The following KDM6A variants were observed in gnomAD, a reference collection of about 807,000 sequenced individuals.
KDM6A encodes lysine-specific demethylase 6A.
Under a neutral mutation model 117.6 loss-of-function variants are expected in KDM6A, and 11 were observed. The ratio of observed to expected loss-of-function variants is 0.09; its 90% CI spans 0.06 to 0.15. The LOEUF (loss-of-function observed/expected upper bound fraction) is 0.15. Ranked by LOEUF, KDM6A falls within the 10% of genes least tolerant of loss-of-function variation. The pLI is 1.00. For synonymous variants in KDM6A, 384 were observed against 396.1 expected, an observed-to-expected ratio of 0.97 and a Z score of 0.36; for missense variants, 799 against 1,077.3, an observed-to-expected ratio of 0.74 and a Z score of 3.62.
Position 45,034,431 on chromosome X carries a change from A to G in KDM6A, c.565-500A>G, listed in dbSNP as rs371353995. ...GCTATTTTAAAAGGCACTTAAGTAC[A>G]GTGATTATTGAAAGATCAATAAAGA... On this transcript the variant is annotated intron_variant, in intron 6 of 29. Transcript: ENST00000611820. Among the ~76,000 whole-genome samples the G allele has an allele frequency of 5.4e-5, 6 of 112,046 alleles. No individual in the cohort carries two copies. The East Asian group carries it at 8.4e-4, about 16-fold the overall frequency.
At chrX:45,090,616 A>T (rs2148200886) in intron 26 of KDM6A, 107 bp from the exon 27 acceptor site, 1 of 812,093 alleles carries the variant, frequency 1.2e-6, no homozygotes, top group Non-Finnish European at 1.8e-6. Context: ...TAGTGTTTTG[A>T]GGTTTTCAGA....
intron 10 of KDM6A, among the ~76,000 whole-genome samples, chrX:45,058,723 T>C (rs1236199806): frequency 9.0e-6 from 1 of 110,813 alleles, no homozygotes; most frequent in Middle Eastern, 4.2e-3. Flanking sequence ...CTCTCAGTAT[T>C]ATAATATTGA....
chrX:44,996,835 G>A (rs996509340), intron 4 of KDM6A, among the ~76,000 whole-genome samples: 6 of 111,681 alleles, frequency 5.4e-5, no homozygotes, highest in African/African-American at 1.6e-4. Context: ...ACTTGGGTTC[G>A]TTTTCTACCA....
chrX:44,923,538 CT>C (rs142581355), intron 2 of KDM6A, among the ~76,000 whole-genome samples: 144 of 32,172 alleles, frequency 4.5e-3, no homozygotes, highest in African/African-American at 0.011. Context: ...ATCTTCTCTG[CT>C]TTTTTTTTTT....
chrX:45,055,126 GTTTTAA>G (rs772439257), intron 10 of KDM6A, among the ~76,000 whole-genome samples: 11 of 110,835 alleles, frequency 9.9e-5, no homozygotes, highest in Non-Finnish European at 1.7e-4. Context: ...AAATTATCCT[GTTTTAA>G]TTTTAAGTTT....
At chrX:44,990,569 A>AATAAATAC (rs1418997122) in intron 4 of KDM6A, among the ~76,000 whole-genome samples, 3 of 109,236 alleles carry the variant, frequency 2.7e-5, no homozygotes, top group Non-Finnish European at 5.7e-5. Context: ...TAAATAAATA[A>AATAAATAC]ATAAATAAAT....
intron 27 of KDM6A, among the ~76,000 whole-genome samples, chrX:45,096,652 C>G (rs1009798787): frequency 3.6e-5 from 4 of 111,274 alleles, no homozygotes; most frequent in African/African-American, 1.3e-4. Flanking sequence ...TAGCAAAAAC[C>G]ACAGTGAGAT....
chrX:45,018,318 T>TTATA lies in KDM6A; in HGVS notation c.444-2283_444-2280dup, dbSNP rs1375498908. The stretch of plus-strand genomic sequence containing the variant: ...GAAAGAACAACGAGGAGAACTTTGA[T>TTATA]TATATATATATAGGTTGCACCTTGT... On this transcript the variant is annotated intron_variant, in intron 5 of 29. Coordinates refer to ENST00000611820, the MANE Select transcript of KDM6A (RefSeq NM_001291415.2). Among the ~76,000 whole-genome samples, 3 of 111,013 alleles carry TTATA rather than the reference T, an allele frequency of 2.7e-5. No individual in the cohort carries two copies. The Admixed American group carries it at 2.9e-4, about 11-fold the overall frequency.
intron 18 of KDM6A, among the ~76,000 whole-genome samples, chrX:45,073,601 G>C (rs1334954419): frequency 4.5e-5 from 5 of 112,040 alleles, no homozygotes; most frequent in East Asian, 2.8e-4. Context: ...TTGTGGTTTT[G>C]ATTTGCATTT....
chrX:45,066,370 G>T (rs934636782), intron 17 of KDM6A, among the ~76,000 whole-genome samples: 1 of 111,923 alleles, frequency 8.9e-6, no homozygotes, highest in African/African-American at 3.2e-5. Context: ...CAACAACCGG[G>T]TGTAGCTGAC....
chrX:44,969,244 TC>T (rs2039195291), intron 3 of KDM6A, among the ~76,000 whole-genome samples: 1 of 110,173 alleles, frequency 9.1e-6, no homozygotes, highest in African/African-American at 3.3e-5. Context: ...CTTCCTTCCC[TC>T]AAGTAATTGG....
At position 44,889,404 on chromosome X, in the gene KDM6A, A is replaced by G. The variant is rs146463714; in HGVS notation, c.225+15417A>G. ...TTATAAATCTATCAGTTAAAAAGAT[A>G]GATTTGGAGTTTGTAAGTTAGATTC... is the stretch of plus-strand genomic sequence containing the variant. On this transcript the variant is annotated intron_variant, in intron 2 of 29. Coordinates refer to ENST00000611820, the MANE Select transcript of KDM6A (RefSeq NM_001291415.2). Among the ~76,000 whole-genome samples, 176 of 112,404 alleles carry G rather than the reference A, an allele frequency of 1.6e-3. 1 individual carries two copies. The highest frequency in any genetic ancestry group is 5.6e-3 in the African/African-American group (172 of 30,980).
chrX:45,093,401 CAAAA>C (rs535520823), intron 27 of KDM6A, among the ~76,000 whole-genome samples: 4 of 99,684 alleles, frequency 4.0e-5, no homozygotes, highest in African/African-American at 1.1e-4. Context: ...AACAAACAAA[CAAAA>C]AAAAAACGGA....
intron 2 of KDM6A, among the ~76,000 whole-genome samples, chrX:44,935,616 A>C (rs920897284): frequency 9.0e-6 from 1 of 111,681 alleles, no homozygotes; most frequent in African/African-American, 3.3e-5. Flanking sequence ...GACTTGCCCA[A>C]GGCCAAACAG....
intron 3 of KDM6A, among the ~76,000 whole-genome samples, chrX:44,965,093 C>A (rs2147199503): frequency 8.9e-6 from 1 of 112,306 alleles, no homozygotes; most frequent in South Asian, 3.7e-4. Context: ...CACGAACCAA[C>A]CTCTGCTAGC....
In KDM6A at chrX:45,076,781, T is replaced by A. The variant is rs2045143094; in HGVS notation, c.2943T>A (p.Pro981=). Residue 981 remains proline, a synonymous_variant, in exon 19 of 30, where the codon CCT becomes CCA. Transcript: ENST00000611820. ...PPPRPPSSPY[P]PLPKDKLNPP... is the part of the protein sequence containing the mutation. ...CAAGACCACCATCTTCACCATACCCTCCCTTGCCAAAGGACAAGTTGAATC... is the reference window on the plus strand; with the variant it reads ...CAAGACCACCATCTTCACCATACCCACCCTTGCCAAAGGACAAGTTGAATC... 1 of 1,192,404 alleles carries A rather than the reference T, an allele frequency of 8.4e-7. No homozygotes were observed.
intron 2 of KDM6A, among the ~76,000 whole-genome samples, chrX:44,888,796 A>G: frequency 1.8e-5 from 2 of 111,848 alleles, no homozygotes; most frequent in Middle Eastern, 4.6e-3. Flanking sequence ...AATTCTAGGC[A>G]TAATCACTGT....
chrX:45,085,607 C>T (rs2045610748), intron 24 of KDM6A, among the ~76,000 whole-genome samples: 1 of 111,787 alleles, frequency 8.9e-6, no homozygotes, highest in African/African-American at 3.3e-5. Flanking sequence ...GCTCCAGAGC[C>T]TAATCTCTTA....
intron 2 of KDM6A, among the ~76,000 whole-genome samples, chrX:44,946,706 G>GT (rs1230354841): frequency 9.9e-6 from 1 of 101,513 alleles, no homozygotes; most frequent in Admixed American, 1.1e-4. Context: ...CCTTTAATAG[G>GT]TTTTTTTATA....
Sources: gnomAD v4.1 joint callset for allele counts (sites outside exome capture counted in the v4.1 genomes callset) on GRCh38, gnomAD v4.1.1 for gene constraint, MANE v1.5 for transcripts, NCBI Gene and HGNC (gene_info 2026-07-23, HGNC 2026-07-21) for gene names.